The following TPRG1 variants were observed in gnomAD, a reference collection of about 807,000 sequenced individuals.
TPRG1 encodes the protein tumor protein p63 regulated 1, also known as tumor protein p63-regulated gene 1 protein.
Under a neutral mutation model 29.3 loss-of-function variants are expected in TPRG1, and 29 were observed. The observed-to-expected ratio is 0.99, with a 90% CI of 0.74 to 1.35. The LOEUF is 1.35. Ranked by LOEUF, TPRG1 falls within the 40% of genes most tolerant of loss-of-function variation. The probability of loss-of-function intolerance (pLI) is 0.00; values close to 1 mark genes in which losing one functional copy is unlikely to be tolerated. For missense variants in TPRG1, 327 were observed against 335.0 expected, an observed-to-expected ratio of 0.98 and a Z score of 0.19; for synonymous variants, 130 against 116.8, an observed-to-expected ratio of 1.11 and a Z score of -0.73.
At chr3:189,032,637 T>A (rs1578215631) in intron 4 of TPRG1, among the ~76,000 whole-genome samples, 1 of 151,764 alleles carries the variant, frequency 6.6e-6, no homozygotes, top group East Asian at 1.9e-4. Context: ...AGGGTACATG[T>A]GCACAATGTG....
intron 4 of TPRG1, among the ~76,000 whole-genome samples, chr3:189,276,091 T>C (rs1167149594): frequency 6.6e-6 from 1 of 151,768 alleles, no homozygotes; most frequent in Non-Finnish European, 1.5e-5. Flanking sequence ...CTTGAAACAG[T>C]ATATGTGATG....
chr3:189,226,212 C>A (rs970795845), intron 3 of TPRG1, among the ~76,000 whole-genome samples: 1 of 152,190 alleles, frequency 6.6e-6, no homozygotes, highest in African/African-American at 2.4e-5. Context: ...TCTTTTTAAG[C>A]ATCTACATTA....
intron 2 of TPRG1, among the ~76,000 whole-genome samples, chr3:189,209,099 G>T (rs914480272): frequency 6.6e-6 from 1 of 152,192 alleles, no homozygotes; most frequent in Non-Finnish European, 1.5e-5. Flanking sequence ...TAACCTTGAT[G>T]GTGTGAGGTC....
upstream of TPRG1, among the ~76,000 whole-genome samples, chr3:189,169,449 G>A (rs768595276): frequency 6.6e-6 from 1 of 152,216 alleles, no homozygotes; most frequent in Non-Finnish European, 1.5e-5. Context: ...ACAGGCATGA[G>A]CCACCAGGCC....
intron 3 of TPRG1, among the ~76,000 whole-genome samples, chr3:189,233,474 A>G (rs760642576): frequency 2.6e-5 from 4 of 152,076 alleles, no homozygotes; most frequent in Non-Finnish European, 5.9e-5. Flanking sequence ...CTGAAGACTC[A>G]CGAGTTCTCA....
intron 3 of TPRG1, among the ~76,000 whole-genome samples, chr3:189,225,790 G>T (rs1737638372): frequency 6.6e-6 from 1 of 152,140 alleles, no homozygotes; most frequent in African/African-American, 2.4e-5. Flanking sequence ...TGCTTCCAAT[G>T]GTCTGTTCAG....
rs1713293171 is a variant in TPRG1 at position 189,021,323 on chromosome 3, G to T, written c.-659-2427G>T. On this transcript the variant is annotated intron_variant, in intron 3 of 10. Transcript: ENST00000433971. ...CGTTAGTTGATGCAGTTTCTTCCTA[G>T]TCTCGATGGTCTTTACATTTTGGCA... 3.3e-5 allele frequency among the ~76,000 whole-genome samples: 5 copies of T among 151,732 alleles called. No homozygotes were observed. The South Asian group carries it at 1.0e-3, about 32-fold the overall frequency.
At chr3:189,028,702 A>G (rs1055301119) in intron 4 of TPRG1, among the ~76,000 whole-genome samples, 2 of 152,146 alleles carry the variant, frequency 1.3e-5, no homozygotes, top group Admixed American at 1.3e-4. Flanking sequence ...GTGATGTAGT[A>G]GGGGTAAGAT....
chr3:189,211,350 A>G (rs1344680914), intron 2 of TPRG1, among the ~76,000 whole-genome samples: 1 of 152,218 alleles, frequency 6.6e-6, no homozygotes, highest in African/African-American at 2.4e-5. Flanking sequence ...CAGTGCCAGG[A>G]GTAAGCAGCC....
At position 189,286,628 on chromosome 3, in the gene TPRG1, C is replaced by G. The variant is rs1397184031; in HGVS notation, c.480-23758C>G. On this transcript the variant is annotated intron_variant, in intron 4 of 5. Transcript: ENST00000345063. ...ACTAGTCAGGATTTGAGAATTGGGA[C>G]TGGGAGAAGGATGGGAAAACACATA... Among the ~76,000 whole-genome samples, 8 of 152,156 alleles carry G rather than the reference C, an allele frequency of 5.3e-5. No homozygotes were observed. The East Asian group carries it at 1.5e-3, about 29-fold the overall frequency.
At chr3:189,073,167 C>T (rs1716910478) in intron 4 of TPRG1, among the ~76,000 whole-genome samples, 1 of 152,170 alleles carries the variant, frequency 6.6e-6, no homozygotes, top group African/African-American at 2.4e-5. Flanking sequence ...CTTTCATAGA[C>T]AGACCTAGGA....
chr3:189,177,478 G>A (rs1729641375), intron 1 of TPRG1, among the ~76,000 whole-genome samples: 1 of 150,436 alleles, frequency 6.6e-6, no homozygotes. Context: ...ACTTATATAT[G>A]TATATACATA....
chr3:189,310,291 G>C, intron 4 of TPRG1, 95 bp from the exon 5 acceptor site: 3 of 1,056,882 alleles, frequency 2.8e-6, no homozygotes, highest in Non-Finnish European at 3.9e-6. Context: ...TAACTAGTTG[G>C]GAGTTAATAT....
In TPRG1 at chr3:189,320,958, G is replaced by A. The variant is rs571564943; in HGVS notation, c.*138G>A. The A allele has an allele frequency of 4.3e-5, 36 of 837,240 alleles. No homozygotes were observed. Among genetic ancestry groups the A allele is most frequent in the Middle Eastern group, 6.4e-4 (2 of 3,138 alleles). 51.9% of individuals were successfully genotyped at this position (837,240 alleles called of 1,614,324 possible). A position where few individuals can be genotyped will look rare whatever the true frequency, so the allele number is the denominator to read the frequency against. On this transcript the variant is annotated 3_prime_UTR_variant, in exon 6 of 6. Coordinates refer to ENST00000345063, the MANE Select transcript of TPRG1 (RefSeq NM_198485.4). ...TATGATTTAGAAATTTAGTATTTCC[G>A]AAAATTTAAAAGCTTGATTGGACTG...
intron 4 of TPRG1, among the ~76,000 whole-genome samples, chr3:189,272,265 T>C (rs1170766191): frequency 1.3e-5 from 2 of 152,200 alleles, no homozygotes; most frequent in Non-Finnish European, 2.9e-5. Context: ...TAATTAAGTG[T>C]TATATTATAG....
intron 1 of TPRG1, among the ~76,000 whole-genome samples, chr3:189,101,553 T>TCTC (rs983801622): frequency 1.1e-3 from 170 of 152,184 alleles, no homozygotes; most frequent in African/African-American, 4.0e-3. Context: ...AATTTGCAAT[T>TCTC]CTCCTTCTTT....
chr3:189,288,269 TAAAC>T (rs1210249508), intron 4 of TPRG1, among the ~76,000 whole-genome samples: 1 of 152,220 alleles, frequency 6.6e-6, no homozygotes, highest in African/African-American at 2.4e-5. Context: ...CTATTTGTGA[TAAAC>T]TAATATAACA....
intron 1 of TPRG1, among the ~76,000 whole-genome samples, chr3:189,198,430 A>G (rs1732917241): frequency 6.6e-6 from 1 of 152,220 alleles, no homozygotes; most frequent in Non-Finnish European, 1.5e-5. Context: ...TCTATAGATT[A>G]AAGACTGTGG....
upstream of TPRG1, among the ~76,000 whole-genome samples, chr3:189,099,709 G>A (rs1463779251): frequency 6.6e-6 from 1 of 152,084 alleles, no homozygotes; most frequent in Admixed American, 6.6e-5. Flanking sequence ...TGGAAAGGAC[G>A]TCAACCATGG....
Sources: gnomAD v4.1 joint callset for allele counts (sites outside exome capture counted in the v4.1 genomes callset) on GRCh38, gnomAD v4.1.1 for gene constraint, MANE v1.5 for transcripts, NCBI Gene and HGNC (gene_info 2026-07-23, HGNC 2026-07-21) for gene names.